TSPAN12: variants seen among roughly 807,000 people sequenced by gnomAD.
The protein encoded by TSPAN12 is tetraspanin-12.
In TSPAN12, 19 loss-of-function variants were observed where a neutral mutation model predicts 39.2. The ratio of observed to expected loss-of-function variants is 0.49; its 90% CI spans 0.34 to 0.71. The LOEUF (loss-of-function observed/expected upper bound fraction) is 0.71. TSPAN12 is among the 30% of genes least tolerant of loss of function. The pLI, the probability that TSPAN12 is intolerant of heterozygous loss-of-function variation, is 0.01. For synonymous variants in TSPAN12, 119 were observed against 124.8 expected, an observed-to-expected ratio of 0.95 and a Z score of 0.31; for missense variants, 314 against 359.9, an observed-to-expected ratio of 0.87 and a Z score of 1.03.
chr7:120,790,981 T>A (rs77777473), intron 7 of TSPAN12, among the ~76,000 whole-genome samples: 4,889 of 152,196 alleles, frequency 0.032, 134 homozygotes, highest in Non-Finnish European at 0.047. Context: ...TAGTGAATAA[T>A]TAGCATGAAT....
chr7:120,842,480 C>G (rs1794596851), intron 2 of TSPAN12, among the ~76,000 whole-genome samples: 1 of 147,394 alleles, frequency 6.8e-6, no homozygotes, highest in African/African-American at 2.5e-5. Context: ...CCCTGAAGCA[C>G]AGAAAAGGGA....
At chr7:120,857,336 C>G (rs1298491238) in intron 1 of TSPAN12, 1 of 160,466 alleles carries the variant, frequency 6.2e-6, no homozygotes, top group East Asian at 1.8e-4. Context: ...TACCCCGTCC[C>G]GCAGCTCGGG....
At chr7:120,822,002 C>A (rs1453304435) in intron 4 of TSPAN12, among the ~76,000 whole-genome samples, 1 of 152,072 alleles carries the variant, frequency 6.6e-6, no homozygotes, top group Admixed American at 6.6e-5. Context: ...GGGAACACAA[C>A]TTCTTTTTTA....
At chr7:120,832,962 T>C (rs899892698) in intron 4 of TSPAN12, among the ~76,000 whole-genome samples, 21 of 152,116 alleles carry the variant, frequency 1.4e-4, no homozygotes, top group African/African-American at 4.8e-4. Flanking sequence ...TGCCAGTAAT[T>C]AGTTAAATGC....
chr7:120,857,516 G>A (rs1794897455), intron 1 of TSPAN12, among the ~76,000 whole-genome samples: 1 of 151,622 alleles, frequency 6.6e-6, no homozygotes, highest in Non-Finnish European at 1.5e-5. Context: ...GGGGGGCGGG[G>A]GGCGCCGGGG....
chr7:120,790,818 A>C (rs1028786461), intron 7 of TSPAN12, among the ~76,000 whole-genome samples: 2 of 152,208 alleles, frequency 1.3e-5, no homozygotes, highest in African/African-American at 4.8e-5. Flanking sequence ...TGGAAAATTA[A>C]TTTGCATGGC....
At chr7:120,823,040 G>A (rs1235135829) in intron 4 of TSPAN12, among the ~76,000 whole-genome samples, 1 of 152,108 alleles carries the variant, frequency 6.6e-6, no homozygotes, top group South Asian at 2.1e-4. Context: ...GGTTTATAAA[G>A]CCATTTCCAG....
intron 2 of TSPAN12, among the ~76,000 whole-genome samples, chr7:120,849,039 C>A (rs1008311981): frequency 1.5e-4 from 23 of 152,152 alleles, no homozygotes; most frequent in Admixed American, 1.5e-3. Context: ...CTTCAAATGC[C>A]ACTCACATTG....
At chr7:120,793,835 C>G (rs2116296055) in intron 7 of TSPAN12, among the ~76,000 whole-genome samples, 1 of 152,274 alleles carries the variant, frequency 6.6e-6, no homozygotes, top group South Asian at 2.1e-4. Context: ...AGAAACTGCT[C>G]TATAAAATTT....
chr7:120,853,779 C>A (rs1222895907), intron 2 of TSPAN12, among the ~76,000 whole-genome samples: 1 of 149,370 alleles, frequency 6.7e-6, no homozygotes, highest in African/African-American at 2.5e-5. Flanking sequence ...GAGGCTGAGG[C>A]AGGAGAATCG....
chr7:120,808,615 C>G (rs1403763073), intron 6 of TSPAN12, among the ~76,000 whole-genome samples: 4 of 152,116 alleles, frequency 2.6e-5, no homozygotes, highest in African/African-American at 9.7e-5. Context: ...TATGCTCCAA[C>G]TACTATGTTA....
At chr7:120,793,514 G>C (rs184772907) in intron 7 of TSPAN12, among the ~76,000 whole-genome samples, 1 of 152,176 alleles carries the variant, frequency 6.6e-6, no homozygotes, top group Non-Finnish European at 1.5e-5. Flanking sequence ...AAAATATCAG[G>C]TGATCATTTC....
chr7:120,795,163 G>A lies in TSPAN12; in HGVS notation c.613-6266C>T, dbSNP rs565698966. ...ATTTTATTCAGAATAGGAAAGAACT[G>A]AAGTGTACTTATTTGCTTTTCTCAA... is the stretch of plus-strand genomic sequence containing the variant. On this transcript the variant is annotated intron_variant, in intron 7 of 7. Coordinates refer to ENST00000222747, the MANE Select transcript of TSPAN12 (RefSeq NM_012338.4). Among the ~76,000 whole-genome samples the A allele has an allele frequency of 2.0e-5, 3 of 152,254 alleles. No homozygotes were observed. The South Asian group carries it at 6.2e-4, about 32-fold the overall frequency.
intron 4 of TSPAN12, among the ~76,000 whole-genome samples, chr7:120,832,928 ATAGT>A (rs1374844292): frequency 1.3e-5 from 2 of 152,174 alleles, no homozygotes. Flanking sequence ...TAAATGAAGC[ATAGT>A]TAAAGTCTTC....
At chr7:120,818,177 C>T (rs1172235557) in intron 4 of TSPAN12, among the ~76,000 whole-genome samples, 8 of 152,070 alleles carry the variant, frequency 5.3e-5, no homozygotes, top group Admixed American at 2.6e-4. Flanking sequence ...GTAACTGGCA[C>T]ACAGAAAGAG....
Position 120,807,094 on chromosome 7 carries a change from C to T in TSPAN12, c.469-402G>A, listed in dbSNP as rs559455191. On this transcript the variant is annotated intron_variant, in intron 6 of 7. Coordinates refer to ENST00000222747, the MANE Select transcript of TSPAN12 (RefSeq NM_012338.4). ...AAATTTTTCTATTGCCCAACATATT[C>T]AAATATTATATTAAAAGTTTCTGTA... is the stretch of plus-strand genomic sequence containing the variant. Among the ~76,000 whole-genome samples, 4 of 152,158 alleles carry T rather than the reference C, an allele frequency of 2.6e-5. No individual in the cohort carries two copies. In the South Asian group the frequency reaches 8.3e-4, roughly 32 times the overall value.
intron 7 of TSPAN12, among the ~76,000 whole-genome samples, chr7:120,793,979 A>AT (rs1416557271): frequency 1.3e-5 from 2 of 152,196 alleles, no homozygotes; most frequent in Non-Finnish European, 2.9e-5. Flanking sequence ...TATGGTGATG[A>AT]TTGTACCTCC....
chr7:120,836,327 T>A (rs1794475656), intron 4 of TSPAN12, among the ~76,000 whole-genome samples: 1 of 152,070 alleles, frequency 6.6e-6, no homozygotes, highest in Admixed American at 6.6e-5. Context: ...ACTAGAAGCC[T>A]GCCATGAGAG....
rs1793452794 is a variant in TSPAN12 at position 120,788,545 on chromosome 7, C to A, written c.*47G>T. 6.2e-7 allele frequency: 1 copy of A among 1,610,492 alleles called. No homozygotes were observed. Among genetic ancestry groups the A allele is most frequent in the Non-Finnish European group, 8.5e-7 (1 of 1,177,146 alleles). ...CACATAGTATGTACTCAAAAATTCA[C>A]AAGTCCAGTAAAACAAGTTTGTGGT... On this transcript the variant is annotated 3_prime_UTR_variant, in exon 8 of 8. Transcript: ENST00000222747.
Sources: allele counts gnomAD v4.1 joint callset (sites outside exome capture counted in the v4.1 genomes callset), GRCh38; gene constraint gnomAD v4.1.1; transcripts MANE v1.5; gene names NCBI Gene and HGNC (gene_info 2026-07-23, HGNC 2026-07-21).